RNF11: variants seen among roughly 807,000 people sequenced by gnomAD.
The protein encoded by RNF11 is ring finger protein 11.
Under a neutral mutation model 15.8 loss-of-function variants are expected in RNF11, and 4 were observed. The ratio of observed to expected loss-of-function variants is 0.25; its 90% confidence interval spans 0.12 to 0.58. The LOEUF is 0.58. RNF11 is among the 20% of genes least tolerant of loss of function. RNF11 has a pLI of 0.91. For synonymous variants in RNF11, 68 were observed against 72.3 expected (o/e 0.94, Z 0.30); for missense variants, 139 against 194.4 (o/e 0.71, Z 1.70).
chr1:51,261,208 T>A (rs759011038), intron 1 of RNF11, among the ~76,000 whole-genome samples: 2 of 152,320 alleles, frequency 1.3e-5, no homozygotes, highest in Non-Finnish European at 2.9e-5. Flanking sequence ...GTACTAAAAT[T>A]GAGATCCACA....
intron 1 of RNF11, chr1:51,264,950 T>C (rs1162411974): frequency 6.6e-6 from 1 of 152,188 alleles, no homozygotes; most frequent in Non-Finnish European, 1.5e-5. Context: ...GCTTCATTTA[T>C]ATATTAACAA....
At chr1:51,239,584 A>G (rs1196380900) in intron 1 of RNF11, among the ~76,000 whole-genome samples, 2 of 152,132 alleles carry the variant, frequency 1.3e-5, no homozygotes, top group Non-Finnish European at 2.9e-5. Context: ...ATTTGAGTTG[A>G]GAATCTCCCT....
chr1:51,260,341 CTGTT>C (rs1646924876), intron 1 of RNF11, among the ~76,000 whole-genome samples: 1 of 152,210 alleles, frequency 6.6e-6, no homozygotes, highest in South Asian at 2.1e-4. Context: ...AGGCTCATGT[CTGTT>C]TGTCTCTCTT....
chr1:51,260,277 C>T (rs1372478084), intron 1 of RNF11, among the ~76,000 whole-genome samples: 1 of 152,126 alleles, frequency 6.6e-6, no homozygotes, highest in Non-Finnish European at 1.5e-5. Flanking sequence ...AACCTGCAAC[C>T]TTGCTGAATT....
chr1:51,237,270 C>G (rs1354208167), intron 1 of RNF11, among the ~76,000 whole-genome samples: 1 of 151,840 alleles, frequency 6.6e-6, no homozygotes, highest in Non-Finnish European at 1.5e-5. Context: ...GCACCACCCC[C>G]CCGCCCCATT....
intron 1 of RNF11, among the ~76,000 whole-genome samples, chr1:51,254,151 C>G (rs1199104009): frequency 2.0e-5 from 3 of 152,178 alleles, no homozygotes; most frequent in Admixed American, 2.0e-4. Context: ...CCCCCTAAAA[C>G]TTTAACCCCC....
At chr1:51,268,618 T>G (rs1024361561) in intron 1 of RNF11, among the ~76,000 whole-genome samples, 1 of 152,256 alleles carries the variant, frequency 6.6e-6, no homozygotes, top group African/African-American at 2.4e-5. Context: ...TTTTGTTTGT[T>G]AGGTTCAAGG....
chr1:51,252,296 G>A (rs1646883518), intron 1 of RNF11, among the ~76,000 whole-genome samples: 1 of 152,046 alleles, frequency 6.6e-6, no homozygotes, highest in Admixed American at 6.6e-5. Context: ...TAGTAGTTAA[G>A]TTTTTGGGAA....
chr1:51,240,045 C>T (rs1225604546), intron 1 of RNF11, among the ~76,000 whole-genome samples: 1 of 152,218 alleles, frequency 6.6e-6, no homozygotes, highest in East Asian at 1.9e-4. Context: ...CCCTTGTCCT[C>T]GCTAAGGCCT....
At chr1:51,258,956 T>G (rs553071146) in intron 1 of RNF11, among the ~76,000 whole-genome samples, 1 of 152,228 alleles carries the variant, frequency 6.6e-6, no homozygotes, top group African/African-American at 2.4e-5. Context: ...CCCATTTTCA[T>G]GTGACAACTG....
rs1480966040 is a variant in RNF11 at position 51,273,164 on chromosome 1, TTAAACA to T, written c.*1846_*1851del. 5 of 152,228 alleles carry T rather than the reference TTAAACA, an allele frequency of 3.3e-5. No individual in the cohort carries two copies. The highest frequency in any genetic ancestry group is 1.2e-4 in the African/African-American group (5 of 41,476). The allele number at this position is 152,228 out of a possible 1,614,324, so 9.4% of individuals were successfully genotyped here. ...CTTTTTTTATTCTTGTGTTTTCTACTTAAACATAATGTCTGTGTCATCAAGTATTAT... is the reference window on the plus strand; with the variant it reads ...CTTTTTTTATTCTTGTGTTTTCTACTTAATGTCTGTGTCATCAAGTATTAT... On this transcript the variant is annotated 3_prime_UTR_variant, in exon 3 of 3. Transcript: ENST00000242719.
intron 1 of RNF11, among the ~76,000 whole-genome samples, chr1:51,260,900 A>T (rs1324663037): frequency 1.3e-5 from 2 of 152,214 alleles, no homozygotes; most frequent in African/African-American, 2.4e-5. Context: ...ATACATAGGT[A>T]CTTTATATTT....
Position 51,271,233 on chromosome 1 carries a change from A to G in RNF11, c.376A>G (p.Ile126Val), listed in dbSNP as rs1646976355. The change falls in exon 3 of 3, where the codon ATA (isoleucine) becomes GTA (valine). Residue 126 changes from isoleucine (I) to valine (V), a missense_variant. Ile to Val is a conservative substitution (Grantham distance 29, BLOSUM62 3). Coordinates refer to ENST00000242719, the MANE Select transcript of RNF11 (RefSeq NM_014372.5). ...PCMHIYHLDCIDDWLMRSFTC... is the reference protein window; with the variant it reads ...PCMHIYHLDCVDDWLMRSFTC... ...CATGCACATCTATCACCTGGACTGT[A>G]TAGATGACTGGTTGATGAGATCCTT... The G allele has an allele frequency of 6.2e-7, 1 of 1,614,112 alleles. No individual in the cohort carries two copies. Among genetic ancestry groups the G allele is most frequent in the Non-Finnish European group, 8.5e-7 (1 of 1,179,942 alleles).
intron 1 of RNF11, among the ~76,000 whole-genome samples, chr1:51,242,264 A>C (rs980277016): frequency 6.6e-6 from 1 of 152,104 alleles, no homozygotes. Flanking sequence ...TTTGACAAAT[A>C]AGAAAATGTA....
chr1:51,267,587 T>A (rs1305912945), intron 1 of RNF11, among the ~76,000 whole-genome samples: 1 of 152,272 alleles, frequency 6.6e-6, no homozygotes, highest in Non-Finnish European at 1.5e-5. Flanking sequence ...GAAGCTCATT[T>A]GGAGACTCAG....
chr1:51,253,681 A>G (rs1468642197), intron 1 of RNF11, among the ~76,000 whole-genome samples: 6 of 152,206 alleles, frequency 3.9e-5, no homozygotes, highest in Non-Finnish European at 7.3e-5. Flanking sequence ...TATAAAATAC[A>G]CTGCCATAAA....
At chr1:51,242,589 C>T (rs1646835242) in intron 1 of RNF11, among the ~76,000 whole-genome samples, 1 of 152,062 alleles carries the variant, frequency 6.6e-6, no homozygotes, top group African/African-American at 2.4e-5. Context: ...CTAGAATGTA[C>T]TGCTTATTTT....
At chr1:51,267,740 T>G (rs1225021611) in intron 1 of RNF11, among the ~76,000 whole-genome samples, 1 of 152,204 alleles carries the variant, frequency 6.6e-6, no homozygotes, top group Admixed American at 6.5e-5. Flanking sequence ...CATATCTTTT[T>G]TTGTTGTTAA....
chr1:51,239,972 AG>A (rs1646821506), intron 1 of RNF11, among the ~76,000 whole-genome samples: 2 of 152,194 alleles, frequency 1.3e-5, no homozygotes, highest in African/African-American at 4.8e-5. Flanking sequence ...CCAAGTTTGT[AG>A]GAAGTGTATA....
Sources: gnomAD v4.1 joint callset for allele counts (sites outside exome capture counted in the v4.1 genomes callset) on GRCh38, gnomAD v4.1.1 for gene constraint, MANE v1.5 for transcripts, NCBI Gene and HGNC (gene_info 2026-07-23, HGNC 2026-07-21) for gene names.